The following TGFBR1 variants were observed in gnomAD, a reference collection of about 807,000 sequenced individuals.
TGFBR1 encodes the protein transforming growth factor beta receptor 1, also known as TGF-beta receptor type-1.
TGFBR1 carries 20 observed loss-of-function variants against 55.1 expected under a neutral mutation model. That is an observed-to-expected ratio of 0.36 (90% CI 0.26 to 0.53). The LOEUF (loss-of-function observed/expected upper bound fraction) is 0.53, where lower values mean the gene tolerates loss of function less well. Among genes scored for constraint, TGFBR1 ranks in the 20% least tolerant of loss-of-function variants. The pLI, the probability that TGFBR1 is intolerant of heterozygous loss-of-function variation, is 0.91. For missense variants in TGFBR1, 385 were observed against 617.6 expected, an observed-to-expected ratio of 0.62 and a Z score of 3.99; for synonymous variants, 220 against 214.8, an observed-to-expected ratio of 1.02 and a Z score of -0.21.
intron 1 of TGFBR1, among the ~76,000 whole-genome samples, chr9:99,126,986 C>A (rs967066595): frequency 1.3e-5 from 2 of 152,158 alleles, no homozygotes; most frequent in Non-Finnish European, 2.9e-5. Context: ...TGAGGGAGAA[C>A]CTGACATTCC....
At chr9:99,117,804 C>T (rs775389787) in intron 1 of TGFBR1, among the ~76,000 whole-genome samples, 21 of 152,170 alleles carry the variant, frequency 1.4e-4, no homozygotes, top group Non-Finnish European at 2.5e-4. Flanking sequence ...GTTATTCTTG[C>T]GATGTTGTTT....
chr9:99,138,644 A>G (rs987562763), intron 4 of TGFBR1, among the ~76,000 whole-genome samples: 3 of 152,184 alleles, frequency 2.0e-5, no homozygotes, highest in African/African-American at 7.2e-5. Flanking sequence ...TCTGCCTATC[A>G]TGCTGGTGCC....
At chr9:99,148,298 G>A (rs752797562) in intron 8 of TGFBR1, among the ~76,000 whole-genome samples, 1 of 152,192 alleles carries the variant, frequency 6.6e-6, no homozygotes, top group Non-Finnish European at 1.5e-5. Flanking sequence ...CAGGAATTTA[G>A]GGAAAATGCT....
Position 99,149,175 on chromosome 9 carries a change from T to C in TGFBR1, c.1387-5T>C. 6.2e-7 allele frequency: 1 copy of C among 1,600,786 alleles called. No individual in the cohort carries two copies. Among genetic ancestry groups the C allele is most frequent in the Non-Finnish European group, 8.5e-7 (1 of 1,172,352 alleles). ...ATTAATTTTTTTTTTTATATTTTCT[T>C]GTAGGCCTTGAGAGTAATGGCTAAA... is the stretch of plus-strand genomic sequence containing the variant. On this transcript the variant is annotated splice_region_variant and splice_polypyrimidine_tract_variant and intron_variant, in intron 8 of 8. Coordinates refer to ENST00000374994, the MANE Select transcript of TGFBR1 (RefSeq NM_004612.4).
chr9:99,147,536 G>C (rs1827835109), intron 7 of TGFBR1, 118 bp from the exon 8 acceptor site: 1 of 969,110 alleles, frequency 1.0e-6, no homozygotes, highest in East Asian at 2.6e-5. Flanking sequence ...TGTAATCTCT[G>C]TTCCACATAC....
chr9:99,149,884 C>G lies in TGFBR1; in HGVS notation c.*579C>G, dbSNP rs754640242. On this transcript the variant is annotated 3_prime_UTR_variant, in exon 9 of 9. Transcript: ENST00000374994. ...AATTCATGCAATTGTATTTTGTATA[C>G]TATTATTGTTCTTTCACTTATTCAG... 3 of 208,898 alleles carry G rather than the reference C, an allele frequency of 1.4e-5. No individual in the cohort carries two copies. The highest frequency in any genetic ancestry group is 2.9e-5 in the Non-Finnish European group (3 of 102,490). 12.9% of individuals were successfully genotyped at this position (208,898 alleles called of 1,614,324 possible). A position where few individuals can be genotyped will look rare whatever the true frequency, so the allele number is the denominator to read the frequency against.
At chr9:99,147,608 A>G in intron 7 of TGFBR1, 46 bp from the exon 8 acceptor site, 1 of 1,578,580 alleles carries the variant, frequency 6.3e-7, no homozygotes, top group East Asian at 2.2e-5. Flanking sequence ...CCTTGGCATT[A>G]GCTGAATAAA....
chr9:99,147,737 G>C lies in TGFBR1; in HGVS notation c.1339G>C (p.Glu447Gln). The change falls in exon 8 of 9, where the codon GAA (glutamate) becomes CAA (glutamine). Residue 447 changes from glutamate (E) to glutamine (Q), a missense_variant. Transcript: ENST00000374994. ...TGAAGAAATGAGAAAAGTTGTTTGT[G>C]AACAGAAGTTAAGGCCAAATATCCC... ...SVEEMRKVVC[E>Q]QKLRPNIPNR... 6.2e-7 allele frequency: 1 copy of C among 1,613,844 alleles called. No individual in the cohort carries two copies. Among genetic ancestry groups the C allele is most frequent in the East Asian group, 2.2e-5 (1 of 44,844 alleles).
At chr9:99,144,933 T>G (rs768339839) in intron 6 of TGFBR1, 45 bp downstream of exon 6, 1 of 1,603,006 alleles carries the variant, frequency 6.2e-7, no homozygotes, top group South Asian at 1.1e-5. Context: ...GAAATCACCT[T>G]TTTTCCCTTC....
At position 99,137,912 on chromosome 9, in the gene TGFBR1, A is replaced by C; in HGVS notation, c.628A>C (p.Ser210Arg). 6.2e-7 allele frequency: 1 copy of C among 1,614,118 alleles called. No homozygotes were observed. Among genetic ancestry groups the C allele is most frequent in the Non-Finnish European group, 8.5e-7 (1 of 1,179,986 alleles). Residue 210 changes from serine (S) to arginine (R), a missense_variant, in exon 4 of 9, where the codon AGC (serine) becomes CGC (arginine). Around this residue, in one of 5 missense-constraint regions of TGFBR1, gnomAD observed 85 missense variants for 228.4 expected, o/e 0.37. Transcript: ENST00000374994. ...TIARTIVLQE[S>R]IGKGRFGEVW... The stretch of plus-strand genomic sequence containing the variant: ...TGCGAGAACTATTGTGTTACAAGAA[A>C]GCATTGGCAAAGGTCGATTTGGAGA...
At chr9:99,115,441 C>T (rs554382248) in intron 1 of TGFBR1, among the ~76,000 whole-genome samples, 28 of 152,110 alleles carry the variant, frequency 1.8e-4, no homozygotes, top group Middle Eastern at 6.8e-3. Context: ...AAATAGGTCC[C>T]CAGGGAAAAG....
In TGFBR1 at chr9:99,147,854, TTTTC is replaced by T. The variant is rs1827849913; in HGVS notation, c.1386+74_1386+77del. The T allele has an allele frequency of 2.7e-5, 42 of 1,584,840 alleles. No homozygotes were observed. The South Asian group carries it at 4.4e-4, about 16-fold the overall frequency. On this transcript the variant is annotated intron_variant, in intron 8 of 8. Coordinates refer to ENST00000374994, the MANE Select transcript of TGFBR1 (RefSeq NM_004612.4). ...TGCTTAGTAAGCAAAAGTTTGCTAC[TTTTC>T]TTTAAGGAAAACTTTTCTTTAAGAA...
rs1827126486 is a variant in TGFBR1, at chr9:99,128,981, T to C, written c.224T>C (p.Ile75Thr). 6.2e-7 allele frequency: 1 copy of C among 1,613,864 alleles called. No individual in the cohort carries two copies. Among genetic ancestry groups the C allele is most frequent in the African/African-American group, 1.3e-5 (1 of 74,886 alleles). The change falls in exon 2 of 9, where the codon ATT becomes ACT. Residue 75 changes from isoleucine (I) to threonine (T), a missense_variant. By Grantham distance (89) the Ile-to-Thr change is moderately conservative. This residue lies in a region of TGFBR1 where 146 missense variants were observed against 167.7 expected (regional missense o/e 0.87). Coordinates refer to ENST00000374994, the MANE Select transcript of TGFBR1 (RefSeq NM_004612.4). ...CACAACAGCATGTGTATAGCTGAAA[T>C]TGACTTAATTCCTCGAGATAGGCCG... ...VIHNSMCIAEIDLIPRDRPFV... is the reference protein window; with the variant it reads ...VIHNSMCIAETDLIPRDRPFV...
chr9:99,135,225 C>G lies in TGFBR1; in HGVS notation c.574+2486C>G, dbSNP rs371404307. 1.2e-4 allele frequency among the ~76,000 whole-genome samples: 18 copies of G among 152,234 alleles called. No individual in the cohort carries two copies. In the East Asian group the frequency reaches 1.5e-3, roughly 13 times the overall value. On this transcript the variant is annotated intron_variant, in intron 3 of 8. Transcript: ENST00000374994. ...AAGGCCTCCTTTGCCTGTCATAGTT[C>G]ATTGTGTACTGAATTCCCTCCAAAC... is the stretch of plus-strand genomic sequence containing the variant.
intron 8 of TGFBR1, among the ~76,000 whole-genome samples, chr9:99,148,945 G>A (rs1475047005): frequency 1.3e-5 from 2 of 152,196 alleles, no homozygotes; most frequent in African/African-American, 2.4e-5. Context: ...TTTAGGATTC[G>A]GCCTTTTCAG....
chr9:99,107,726 C>A (rs1826454947), intron 1 of TGFBR1, among the ~76,000 whole-genome samples: 1 of 152,250 alleles, frequency 6.6e-6, no homozygotes, highest in African/African-American at 2.4e-5. Flanking sequence ...CTTAGAACAA[C>A]ACTTAGCAGC....
Position 99,142,613 on chromosome 9 carries a change from T to C in TGFBR1, c.883T>C (p.Tyr295His), listed in dbSNP as rs200560562. 1 of 1,613,986 alleles carries C rather than the reference T, an allele frequency of 6.2e-7. No homozygotes were observed. The highest frequency in any genetic ancestry group is 1.3e-5 in the African/African-American group (1 of 74,938). The change falls in exon 5 of 9, where the codon TAC (tyrosine) becomes CAC (histidine). Residue 295 changes from tyrosine to histidine, a missense_variant. By Grantham distance (83) the Tyr-to-His change is moderately conservative (BLOSUM62 2). Coordinates refer to ENST00000374994, the MANE Select transcript of TGFBR1 (RefSeq NM_004612.4). ...HGSLFDYLNR[Y>H]TVTVEGMIKL... Reference sequence around the variant, plus strand: ...ATCCCTTTTTGATTACTTAAACAGATACACAGTTACTGTGGAAGGAATGAT... The same window carrying C: ...ATCCCTTTTTGATTACTTAAACAGACACACAGTTACTGTGGAAGGAATGAT...
At position 99,128,952 on chromosome 9, in the gene TGFBR1, T is replaced by A. The variant is rs762638283; in HGVS notation, c.195T>A (p.Val65=). ...CTGTCACAGAGACCACAGACAAAGT[T>A]ATACACAACAGCATGTGTATAGCTG... is the stretch of plus-strand genomic sequence containing the variant. The part of the protein sequence containing the change: ...FVSVTETTDK[V]IHNSMCIAEI... The change falls in exon 2 of 9, where the codon GTT becomes GTA. Residue 65 remains valine (V), a synonymous_variant. Transcript: ENST00000374994. 6.2e-7 allele frequency: 1 copy of A among 1,614,020 alleles called. No individual in the cohort carries two copies. The highest frequency in any genetic ancestry group is 1.1e-5 in the South Asian group (1 of 91,076).
intron 2 of TGFBR1, 83 bp from the exon 3 acceptor site, chr9:99,132,424 TTG>T (rs1827262936): frequency 6.3e-7 from 1 of 1,586,076 alleles, no homozygotes; most frequent in Admixed American, 1.7e-5. Context: ...GCTGCAGGAA[TTG>T]TGTAGGATTG....
Sources: allele counts gnomAD v4.1 joint callset (sites outside exome capture counted in the v4.1 genomes callset), GRCh38; gene constraint gnomAD v4.1.1; regional missense constraint gnomAD v4.1.1; transcripts MANE v1.5; gene names NCBI Gene and HGNC (gene_info 2026-07-23, HGNC 2026-07-21).